DCBLD1: variants seen among roughly 807,000 people sequenced by gnomAD.
The protein encoded by DCBLD1 is discoidin, CUB and LCCL domain containing 1.
A neutral mutation model predicts 71.5 loss-of-function variants in DCBLD1; 57 were observed. The observed-to-expected ratio is 0.80, with a 90% CI of 0.64 to 0.99. The LOEUF is 0.99. Among genes scored for constraint, DCBLD1 ranks in the 50% least tolerant of loss-of-function variants. The pLI is 0.00. For synonymous variants in DCBLD1, 380 were observed against 363.8 expected (o/e 1.04, Z -0.51); for missense variants, 891 against 923.5 (o/e 0.96, Z 0.46).
chr6:117,507,952 C>T (rs1183423754), intron 2 of DCBLD1: 4 of 152,176 alleles, frequency 2.6e-5, no homozygotes, highest in Non-Finnish European at 5.9e-5. Flanking sequence ...TTCTTTGCTT[C>T]CCTCTTGACT....
intron 5 of DCBLD1, among the ~76,000 whole-genome samples, chr6:117,531,754 T>C (rs1242233660): frequency 6.6e-6 from 1 of 152,248 alleles, no homozygotes; most frequent in Non-Finnish European, 1.5e-5. Context: ...AAAATGAACA[T>C]GTGGAATTGA....
At chr6:117,487,152 T>C (rs1317593894) in intron 1 of DCBLD1, among the ~76,000 whole-genome samples, 1 of 152,102 alleles carries the variant, frequency 6.6e-6, no homozygotes, top group East Asian at 1.9e-4. Flanking sequence ...TCCAACAAAG[T>C]GTATAATTTA....
intron 5 of DCBLD1, among the ~76,000 whole-genome samples, chr6:117,531,988 C>T (rs776371642): frequency 9.9e-5 from 15 of 152,166 alleles, no homozygotes; most frequent in Non-Finnish European, 2.2e-4. Context: ...TTGTGGCTGC[C>T]ATCATATGGC....
Position 117,548,038 on chromosome 6 carries a change from C to T in DCBLD1, c.1747C>T (p.Arg583Trp). 6.5e-7 allele frequency: 1 copy of T among 1,549,320 alleles called. No individual in the cohort carries two copies. Among genetic ancestry groups the T allele is most frequent in the South Asian group, 1.2e-5 (1 of 83,974 alleles). Residue 583 changes from arginine (R) to tryptophan (W), a missense_variant, in exon 15 of 15, where the codon CGG becomes TGG. Transcript: ENST00000338728. ...CGGCGGCCACTATGACTGCCCGCAG[C>T]GGGCCGGCCGCCACGAGTACGCGCT... is the stretch of plus-strand genomic sequence containing the variant. ...DAGGHYDCPQ[R>W]AGRHEYALPL...
At chr6:117,490,112 CACA>C (rs1271683866) in intron 1 of DCBLD1, among the ~76,000 whole-genome samples, 3 of 152,004 alleles carry the variant, frequency 2.0e-5, no homozygotes, top group African/African-American at 7.3e-5. Flanking sequence ...CACACACACA[CACA>C]CACACACACC....
chr6:117,543,143 G>A lies in DCBLD1; in HGVS notation c.1377G>A (p.Val459=), dbSNP rs1420352416. Residue 459 remains valine, a synonymous_variant, in exon 12 of 15, where the codon GTG becomes GTA. Coordinates refer to ENST00000338728, the MANE Select transcript of DCBLD1 (RefSeq NM_001366458.2). ...ETSTGINITT[V]AIPLVLLVVL... ...CTTTAGGAATAAACATTACAACGGT[G>A]GCTATTCCATTGGTGCTCCTTGTTG... 5 of 1,613,952 alleles carry A rather than the reference G, an allele frequency of 3.1e-6. No individual in the cohort carries two copies. The East Asian group carries it at 6.7e-5, about 22-fold the overall frequency.
At chr6:117,568,663 G>A (rs1464184432) in intron 14 of DCBLD1, among the ~76,000 whole-genome samples, 1 of 152,166 alleles carries the variant, frequency 6.6e-6, no homozygotes, top group Non-Finnish European at 1.5e-5. Context: ...AGTTTTAGAT[G>A]ACAGAATTAG....
intron 2 of DCBLD1, among the ~76,000 whole-genome samples, chr6:117,508,746 G>A (rs192798430): frequency 2.0e-4 from 30 of 152,266 alleles, no homozygotes; most frequent in Middle Eastern, 3.4e-3. Context: ...CCCTTGAAAG[G>A]TGACCTCCAC....
chr6:117,494,211 G>A (rs977366244), intron 1 of DCBLD1, among the ~76,000 whole-genome samples: 1 of 152,138 alleles, frequency 6.6e-6, no homozygotes, highest in Non-Finnish European at 1.5e-5. Context: ...CTGTGAAAGT[G>A]AAAGCTCACA....
At chr6:117,498,793 C>A (rs1777551182) in intron 1 of DCBLD1, among the ~76,000 whole-genome samples, 1 of 152,120 alleles carries the variant, frequency 6.6e-6, no homozygotes, top group Admixed American at 6.5e-5. Context: ...TTCAGCCCTG[C>A]ATATGTCAGT....
intron 5 of DCBLD1, among the ~76,000 whole-genome samples, chr6:117,527,045 C>T (rs541088788): frequency 2.0e-5 from 3 of 152,298 alleles, no homozygotes; most frequent in East Asian, 1.9e-4. Context: ...TTGAGGGCCT[C>T]GGTTTCTTCC....
intron 14 of DCBLD1, chr6:117,566,896 C>T (rs1270130571): frequency 6.2e-7 from 1 of 1,604,428 alleles, no homozygotes; most frequent in Admixed American, 1.7e-5. Flanking sequence ...TTGCAACTAG[C>T]ACCAGGGTTA....
chr6:117,506,729 G>A (rs1453076625), intron 2 of DCBLD1, among the ~76,000 whole-genome samples: 1 of 152,222 alleles, frequency 6.6e-6, no homozygotes, highest in African/African-American at 2.4e-5. Context: ...AGGCACCTCT[G>A]CAAGCTGATG....
chr6:117,542,999 C>A, intron 11 of DCBLD1, 125 bp from the exon 12 acceptor site: 1 of 782,540 alleles, frequency 1.3e-6, no homozygotes, highest in Non-Finnish European at 2.2e-6. Context: ...AAATGCCTAA[C>A]ATGTATTCAT....
At chr6:117,512,937 A>G (rs1448879976) in intron 2 of DCBLD1, among the ~76,000 whole-genome samples, 2 of 152,034 alleles carry the variant, frequency 1.3e-5, no homozygotes, top group Non-Finnish European at 2.9e-5. Context: ...TTCTCTAATG[A>G]CATGCATACT....
rs1778387344 is a variant in DCBLD1 at position 117,521,565 on chromosome 6, GACAGAA to G, written c.502_507del (p.Thr168_Glu169del). On this transcript the variant is annotated inframe_deletion, in exon 4 of 15. Transcript: ENST00000338728. ...TGGAACGAGCTAGCCATTATTTGAA[GACAGAA>G]TACAGGTAAGTATAGGTATCCTAAC... 1 of 1,565,954 alleles carries G rather than the reference GACAGAA, an allele frequency of 6.4e-7. No homozygotes were observed. The highest frequency in any genetic ancestry group is 2.2e-5 in the Admixed American group (1 of 45,084).
chr6:117,547,993 G>T lies in DCBLD1; in HGVS notation c.1702G>T (p.Ala568Ser), dbSNP rs1352710112. 3.2e-6 allele frequency: 5 copies of T among 1,550,540 alleles called. No individual in the cohort carries two copies. The highest frequency in any genetic ancestry group is 1.7e-4 in the Middle Eastern group (1 of 5,990). ...GCCCATGGACACGGATGCCGAGGAGGCAGGGGTGAGCACCGATGCCGGCGG... is the reference window on the plus strand; with the variant it reads ...GCCCATGGACACGGATGCCGAGGAGTCAGGGGTGAGCACCGATGCCGGCGG... ...FRPMDTDAEE[A>S]GVSTDAGGHY... The change falls in exon 15 of 15, where the codon GCA becomes TCA. Residue 568 changes from alanine (A) to serine (S), a missense_variant. By Grantham distance (99) the Ala-to-Ser change is moderately conservative. Transcript: ENST00000338728.
chr6:117,557,075 T>C (rs1410283440), intron 14 of DCBLD1, among the ~76,000 whole-genome samples: 1 of 152,208 alleles, frequency 6.6e-6, no homozygotes, highest in Non-Finnish European at 1.5e-5. Context: ...GCCAGAGGTA[T>C]TTCTTTTACA....
chr6:117,506,243 T>C (rs189600403), intron 2 of DCBLD1, among the ~76,000 whole-genome samples: 3 of 152,166 alleles, frequency 2.0e-5, no homozygotes, highest in Admixed American at 6.5e-5. Context: ...TAGGTGAACA[T>C]GCCCAAGATC....
Sources: gnomAD v4.1 joint callset for allele counts (sites outside exome capture counted in the v4.1 genomes callset) on GRCh38, gnomAD v4.1.1 for gene constraint, MANE v1.5 for transcripts, NCBI Gene and HGNC (gene_info 2026-07-23, HGNC 2026-07-21) for gene names.